Variants in FDX1 observed in about 807,000 individuals in gnomAD.
The protein encoded by FDX1 is ferredoxin 1.
Under a neutral mutation model 14.9 loss-of-function variants are expected in FDX1, and 9 were observed. That is an observed-to-expected ratio of 0.60 (90% CI 0.36 to 1.05). The LOEUF is 1.05. FDX1 is among the 50% of genes least tolerant of loss of function. The pLI is 0.01. For missense variants in FDX1, 204 were observed against 237.2 expected (o/e 0.86, Z 0.92); for synonymous variants, 92 against 99.4 (o/e 0.93, Z 0.44).
Position 110,444,654 on chromosome 11 carries a change from ATATATATATACG to A in FDX1, c.310+8707_310+8718del, listed in dbSNP as rs1326579832. 1.5e-4 allele frequency among the ~76,000 whole-genome samples: 13 copies of A among 83,998 alleles called. 1 individual carries two copies. Among genetic ancestry groups the A allele is most frequent in the African/African-American group, 6.9e-4 (12 of 17,420 alleles). The allele number at this position is 83,998 out of a possible 152,430, so 55.1% of individuals were successfully genotyped here. A position where few individuals can be genotyped will look rare whatever the true frequency, so the allele number is the denominator to read the frequency against. On this transcript the variant is annotated intron_variant, in intron 2 of 3. Transcript: ENST00000260270. Reference sequence around the variant, plus strand: ...TATATGTGTGTGTGTGTGTGTGTATATATATATATACGTATATATATATATATATACACGTAT... The same window carrying A: ...TATATGTGTGTGTGTGTGTGTGTATATATATATATATATATATACACGTAT...
intron 2 of FDX1, among the ~76,000 whole-genome samples, chr11:110,444,743 T>TATATATATAC (rs1369789746): frequency 3.1e-4 from 14 of 44,730 alleles, no homozygotes; most frequent in African/African-American, 1.3e-3. Context: ...TATATATATA[T>TATATATATAC]ACACGTATAT....
At chr11:110,452,701 T>C (rs946744541) in intron 2 of FDX1, among the ~76,000 whole-genome samples, 2 of 152,164 alleles carry the variant, frequency 1.3e-5, no homozygotes, top group Admixed American at 1.3e-4. Flanking sequence ...ACCAGATACC[T>C]ACTAGAAACA....
chr11:110,442,021 G>C (rs1467700451), intron 2 of FDX1, among the ~76,000 whole-genome samples: 1 of 152,258 alleles, frequency 6.6e-6, no homozygotes, highest in Non-Finnish European at 1.5e-5. Context: ...CGTGGCTTCA[G>C]AGTGTGCAAA....
chr11:110,459,126 T>C (rs988639779), intron 3 of FDX1, among the ~76,000 whole-genome samples: 1 of 152,218 alleles, frequency 6.6e-6, no homozygotes, highest in East Asian at 1.9e-4. Context: ...ATTCAGGAAT[T>C]ACCTGTGAGT....
chr11:110,431,380 G>C (rs1236050797), intron 1 of FDX1, among the ~76,000 whole-genome samples: 1 of 152,216 alleles, frequency 6.6e-6, no homozygotes, highest in Non-Finnish European at 1.5e-5. Context: ...GAGAACTAGA[G>C]GGAGAGTGTG....
In FDX1 at chr11:110,462,396, C is replaced by T; in HGVS notation, c.483C>T (p.Asp161=). The stretch of plus-strand genomic sequence containing the variant: ...AAATCTGTTTGACAAAATCTATGGA[C>T]AATATGACTGTTCGAGTGCCTGAAA... The part of the protein sequence containing the change: ...GCQICLTKSM[D]NMTVRVPETV... The change falls in exon 4 of 4, where the codon GAC becomes GAT. Residue 161 remains aspartate (D), a synonymous_variant. Coordinates refer to ENST00000260270, the MANE Select transcript of FDX1 (RefSeq NM_004109.5). 6.2e-7 allele frequency: 1 copy of T among 1,612,436 alleles called. No homozygotes were observed. The highest frequency in any genetic ancestry group is 8.5e-7 in the Non-Finnish European group (1 of 1,178,680).
In FDX1 at chr11:110,444,738, ATATATACACG is replaced by A. The variant is rs1420516721; in HGVS notation, c.310+8787_310+8796del. 5.0e-4 allele frequency among the ~76,000 whole-genome samples: 33 copies of A among 66,186 alleles called. 1 individual carries two copies. Among genetic ancestry groups the A allele is most frequent in the African/African-American group, 1.3e-3 (17 of 13,478 alleles). The allele number at this position is 66,186 out of a possible 152,430, so 43.4% of individuals were successfully genotyped here. ...TATATATATACGTATATATATATATATATATACACGTATATATATATATATATATTTGCAG... is the reference window on the plus strand; with the variant it reads ...TATATATATACGTATATATATATATATATATATATATATATATATTTGCAG... On this transcript the variant is annotated intron_variant, in intron 2 of 3. Coordinates refer to ENST00000260270, the MANE Select transcript of FDX1 (RefSeq NM_004109.5).
chr11:110,431,101 T>TAGCAGCAGCAGC lies in FDX1; in HGVS notation c.185+821_185+832dup, dbSNP rs35673502. Among the ~76,000 whole-genome samples the TAGCAGCAGCAGC allele has an allele frequency of 5.2e-4, 79 of 151,222 alleles. 1 individual carries two copies. Among genetic ancestry groups the TAGCAGCAGCAGC allele is most frequent in the African/African-American group, 1.8e-3 (75 of 41,132 alleles). On this transcript the variant is annotated intron_variant, in intron 1 of 3. Coordinates refer to ENST00000260270, the MANE Select transcript of FDX1 (RefSeq NM_004109.5). ...TGAGGGCTCAGTAGATGCCACTTGG[T>TAGCAGCAGCAGC]AGCAGCAGCAGCAGCAGCAGCAGCA...
intron 2 of FDX1, 66 bp downstream of exon 2, chr11:110,436,024 G>GTTTT: frequency 3.3e-6 from 4 of 1,207,924 alleles, no homozygotes; most frequent in East Asian, 2.6e-5. Context: ...TTATTTTGTG[G>GTTTT]TTTTTTTTTT....
At chr11:110,447,826 C>T (rs1046725571) in intron 2 of FDX1, among the ~76,000 whole-genome samples, 1 of 152,182 alleles carries the variant, frequency 6.6e-6, no homozygotes, top group African/African-American at 2.4e-5. Flanking sequence ...TATTCTCTTT[C>T]TCAGCATCTT....
At chr11:110,453,317 A>G (rs1946498553) in intron 2 of FDX1, among the ~76,000 whole-genome samples, 1 of 152,214 alleles carries the variant, frequency 6.6e-6, no homozygotes, top group Admixed American at 6.5e-5. Flanking sequence ...CAGTCCAGGC[A>G]ACAAGAGTAA....
intron 2 of FDX1, among the ~76,000 whole-genome samples, chr11:110,455,705 CAGTGGAAGGACCT>C (rs531619713): frequency 1.3e-3 from 195 of 152,298 alleles, no homozygotes; most frequent in African/African-American, 4.3e-3. Context: ...ATGTAAGAAA[CAGTGGAAGGACCT>C]AGTGGAAGGA....
rs1946580879 is a variant in FDX1 at position 110,464,505 on chromosome 11, T to G, written c.*2037T>G. On this transcript the variant is annotated 3_prime_UTR_variant, in exon 4 of 4. Coordinates refer to ENST00000260270, the MANE Select transcript of FDX1 (RefSeq NM_004109.5). ...TGACATAACTAACCCACACCTGAGA[T>G]AACGGCATTAATCCATTCATGAGGT... 6.6e-6 allele frequency: 1 copy of G among 152,178 alleles called. No homozygotes were observed. The highest frequency in any genetic ancestry group is 2.4e-5 in the African/African-American group (1 of 41,444). The allele number at this position is 152,178 out of a possible 1,614,324, so 9.4% of individuals were successfully genotyped here.
chr11:110,429,369 C>G (rs1015064775), upstream of FDX1, among the ~76,000 whole-genome samples: 13 of 152,000 alleles, frequency 8.6e-5, no homozygotes, highest in Admixed American at 2.6e-4. Context: ...TTTTAAAGTT[C>G]ATCTTTTCTG....
intron 2 of FDX1, among the ~76,000 whole-genome samples, chr11:110,451,408 A>G (rs933162958): frequency 4.6e-5 from 7 of 152,218 alleles, no homozygotes; most frequent in South Asian, 2.1e-4. Flanking sequence ...TGCCAGTCAG[A>G]ATGGTGATTA....
chr11:110,434,734 T>TTTG (rs1946357302), intron 1 of FDX1, among the ~76,000 whole-genome samples: 2 of 136,218 alleles, frequency 1.5e-5, no homozygotes, highest in African/African-American at 6.0e-5. Flanking sequence ...TGTTTTTTTT[T>TTTG]TTTTTTTTTT....
At chr11:110,448,804 G>T (rs376482030) in intron 2 of FDX1, among the ~76,000 whole-genome samples, 1 of 152,174 alleles carries the variant, frequency 6.6e-6, no homozygotes, top group Non-Finnish European at 1.5e-5. Context: ...CAGAAGCATT[G>T]CAGAAACCAA....
chr11:110,443,522 C>T (rs1008655451), intron 2 of FDX1, among the ~76,000 whole-genome samples: 4 of 149,854 alleles, frequency 2.7e-5, no homozygotes, highest in African/African-American at 9.8e-5. Context: ...CTCATTGCAA[C>T]CTCTGCCTCC....
At chr11:110,439,192 A>G (rs975440800) in intron 2 of FDX1, among the ~76,000 whole-genome samples, 16 of 151,506 alleles carry the variant, frequency 1.1e-4, no homozygotes, top group Non-Finnish European at 1.6e-4. Flanking sequence ...GGTGTCAGCC[A>G]CCATGCCTGC....
Sources: gnomAD v4.1 joint callset for allele counts (sites outside exome capture counted in the v4.1 genomes callset) on GRCh38, gnomAD v4.1.1 for gene constraint, MANE v1.5 for transcripts, NCBI Gene and HGNC (gene_info 2026-07-23, HGNC 2026-07-21) for gene names.